The following NR3C2 variants were observed in gnomAD, a reference collection of about 807,000 sequenced individuals.
NR3C2 encodes the protein nuclear receptor subfamily 3 group C member 2.
In NR3C2, 15 loss-of-function variants were observed where a neutral mutation model predicts 86.4. The observed-to-expected ratio is 0.17, with a 90% CI of 0.12 to 0.27. The LOEUF is 0.27. Ranked by LOEUF, NR3C2 falls within the 10% of genes least tolerant of loss-of-function variation. The pLI is 1.00. For synonymous variants in NR3C2, 458 were observed against 450.5 expected, an observed-to-expected ratio of 1.02 and a Z score of -0.21; for missense variants, 960 against 1,195.6, an observed-to-expected ratio of 0.80 and a Z score of 2.91.
At chr4:148,432,710 G>A (rs182602856) in intron 2 of NR3C2, among the ~76,000 whole-genome samples, 100 of 152,148 alleles carry the variant, frequency 6.6e-4, no homozygotes, top group Middle Eastern at 3.4e-3. Flanking sequence ...TAAGAAATAG[G>A]CAAAAAGGTT....
intron 4 of NR3C2, among the ~76,000 whole-genome samples, chr4:148,180,844 C>CTT (rs1578980460): frequency 1.3e-5 from 2 of 152,084 alleles, no homozygotes; most frequent in East Asian, 3.8e-4. Context: ...AGTGTTTTCC[C>CTT]CACTGTGGTT....
At chr4:148,134,314 C>G (rs1418038176) in intron 6 of NR3C2, among the ~76,000 whole-genome samples, 1 of 152,184 alleles carries the variant, frequency 6.6e-6, no homozygotes, top group African/African-American at 2.4e-5. Context: ...CACAAAACAT[C>G]AACACTGAAA....
chr4:148,188,772 G>A (rs935561706), intron 4 of NR3C2, among the ~76,000 whole-genome samples: 2 of 152,050 alleles, frequency 1.3e-5, no homozygotes, highest in African/African-American at 4.8e-5. Flanking sequence ...GTACTATGTT[G>A]AAGAGGAGTG....
intron 2 of NR3C2, among the ~76,000 whole-genome samples, chr4:148,391,417 C>A (rs10519958): frequency 0.1 from 15,764 of 152,180 alleles, 980 homozygotes; most frequent in Middle Eastern, 0.3. Flanking sequence ...GGCCTTGATA[C>A]TATTTTGTTT....
chr4:148,260,835 C>G (rs965058898), intron 2 of NR3C2, among the ~76,000 whole-genome samples: 7 of 152,138 alleles, frequency 4.6e-5, no homozygotes, highest in African/African-American at 1.7e-4. Context: ...CTTTAGGCAA[C>G]AATCTGTTTG....
intron 8 of NR3C2, among the ~76,000 whole-genome samples, chr4:148,104,699 C>A (rs540478224): frequency 6.6e-6 from 1 of 152,200 alleles, no homozygotes; most frequent in African/African-American, 2.4e-5. Flanking sequence ...TTGTTCAGTG[C>A]CTGTTATGTG....
intron 2 of NR3C2, among the ~76,000 whole-genome samples, chr4:148,337,680 C>A (rs548960291): frequency 2.0e-4 from 30 of 152,188 alleles, no homozygotes; most frequent in African/African-American, 7.0e-4. Flanking sequence ...CTTTTAACAA[C>A]TGAAAGGAAT....
At chr4:148,173,814 T>A (rs1360412395) in intron 4 of NR3C2, among the ~76,000 whole-genome samples, 2 of 152,190 alleles carry the variant, frequency 1.3e-5, no homozygotes, top group African/African-American at 2.4e-5. Context: ...CCAGCAGTGC[T>A]GACACAGCAG....
At chr4:148,141,772 A>C (rs1056348001) in intron 6 of NR3C2, among the ~76,000 whole-genome samples, 4 of 152,138 alleles carry the variant, frequency 2.6e-5, no homozygotes, top group African/African-American at 9.7e-5. Flanking sequence ...TGCGAACCCT[A>C]GCTGAACTGT....
chr4:148,311,759 C>T (rs1376534424), intron 2 of NR3C2, among the ~76,000 whole-genome samples: 1 of 152,246 alleles, frequency 6.6e-6, no homozygotes, highest in Non-Finnish European at 1.5e-5. Context: ...CACCTCACTG[C>T]CAATTACACT....
chr4:148,148,310 T>C (rs961474325), intron 6 of NR3C2, among the ~76,000 whole-genome samples: 2 of 152,190 alleles, frequency 1.3e-5, no homozygotes, highest in Non-Finnish European at 2.9e-5. Context: ...TCTTGTTGAT[T>C]TCACCTTACA....
At chr4:148,277,223 T>A (rs1053556668) in intron 2 of NR3C2, among the ~76,000 whole-genome samples, 2 of 152,322 alleles carry the variant, frequency 1.3e-5, no homozygotes, top group African/African-American at 4.8e-5. Context: ...TTAAATTTCA[T>A]CTCTAAAAAA....
chr4:148,139,414 C>T (rs1733506863), intron 6 of NR3C2, among the ~76,000 whole-genome samples: 2 of 132,288 alleles, frequency 1.5e-5, no homozygotes, highest in South Asian at 5.1e-4. Context: ...CATAAGCTTC[C>T]AGCATCAGCT....
chr4:148,160,315 T>C (rs768665409), intron 4 of NR3C2, among the ~76,000 whole-genome samples: 4 of 152,188 alleles, frequency 2.6e-5, no homozygotes, highest in Non-Finnish European at 4.4e-5. Flanking sequence ...CTATTAAAAC[T>C]GTGACAGATT....
At chr4:148,229,598 G>A (rs1440436626) in intron 3 of NR3C2, among the ~76,000 whole-genome samples, 1 of 152,114 alleles carries the variant, frequency 6.6e-6, no homozygotes, top group Admixed American at 6.5e-5. Flanking sequence ...TACAGTTAGA[G>A]AGTACTGACA....
intron 4 of NR3C2, among the ~76,000 whole-genome samples, chr4:148,192,399 G>T (rs568061276): frequency 3.3e-5 from 5 of 152,290 alleles, no homozygotes; most frequent in African/African-American, 1.2e-4. Flanking sequence ...GGGTGCAATG[G>T]ACTCTGTGAG....
chr4:148,176,891 C>G (rs918365702), intron 4 of NR3C2, among the ~76,000 whole-genome samples: 2 of 152,138 alleles, frequency 1.3e-5, no homozygotes, highest in African/African-American at 4.8e-5. Flanking sequence ...TAACAATATA[C>G]GCTTATTTTC....
At chr4:148,290,974 T>C (rs890062506) in intron 2 of NR3C2, among the ~76,000 whole-genome samples, 12 of 152,148 alleles carry the variant, frequency 7.9e-5, no homozygotes, top group African/African-American at 2.9e-4. Flanking sequence ...CTGTTATCTA[T>C]TTCCTTTCAT....
intron 2 of NR3C2, among the ~76,000 whole-genome samples, chr4:148,318,505 GT>G (rs1205532430): frequency 6.7e-6 from 1 of 150,326 alleles, no homozygotes; most frequent in African/African-American, 2.5e-5. Context: ...GTGTAAAAGT[GT>G]TCCTATTTCT....
Sources: gnomAD v4.1 joint callset for allele counts (sites outside exome capture counted in the v4.1 genomes callset) on GRCh38, gnomAD v4.1.1 for gene constraint, MANE v1.5 for transcripts, NCBI Gene and HGNC (gene_info 2026-07-23, HGNC 2026-07-21) for gene names.